Variants in ELF5 observed in about 807,000 individuals in gnomAD.
ELF5 encodes ETS-related transcription factor Elf-5.
ELF5 carries 31 observed loss-of-function variants against 38.2 expected under a neutral mutation model. The ratio of observed to expected loss-of-function variants is 0.81; its 90% confidence interval spans 0.61 to 1.10. The LOEUF is 1.10. ELF5 is among the 50% of genes least tolerant of loss of function. The pLI is 0.00. For synonymous variants in ELF5, 121 were observed against 112.5 expected (o/e 1.08, Z -0.48); for missense variants, 300 against 306.6 (o/e 0.98, Z 0.16).
chr11:34,501,594 C>T (rs1464690350), intron 2 of ELF5, among the ~76,000 whole-genome samples: 1 of 152,098 alleles, frequency 6.6e-6, no homozygotes, highest in Admixed American at 6.5e-5. Context: ...CCAACTCTCC[C>T]GCCCACTTGG....
At chr11:34,513,450 G>T (rs1198462925) in intron 1 of ELF5, among the ~76,000 whole-genome samples, 3 of 152,268 alleles carry the variant, frequency 2.0e-5, no homozygotes, top group African/African-American at 7.2e-5. Flanking sequence ...AGGGAGTGGT[G>T]GCTGTGAGGA....
At chr11:34,507,247 A>C (rs901256055) in intron 1 of ELF5, among the ~76,000 whole-genome samples, 5 of 152,174 alleles carry the variant, frequency 3.3e-5, no homozygotes, top group Non-Finnish European at 1.5e-5. Flanking sequence ...ACGAGTGTGG[A>C]CCTGTGGTAA....
intron 2 of ELF5, among the ~76,000 whole-genome samples, chr11:34,498,913 G>T (rs970946648): frequency 8.1e-4 from 124 of 152,194 alleles, no homozygotes; most frequent in African/African-American, 2.9e-3. Flanking sequence ...CCAACAAGGT[G>T]AAACCCTGTC....
At chr11:34,480,706 T>A in intron 6 of ELF5, 66 bp downstream of exon 6, 1 of 1,542,638 alleles carries the variant, frequency 6.5e-7, no homozygotes, top group Non-Finnish European at 8.8e-7. Flanking sequence ...CAGTGTAATT[T>A]TCTACAGCCA....
At chr11:34,492,000 A>T (rs1850187851) in intron 3 of ELF5, 1 of 152,206 alleles carries the variant, frequency 6.6e-6, no homozygotes. Context: ...TTGACTTGAC[A>T]TTTGGCCAAG....
intron 1 of ELF5, among the ~76,000 whole-genome samples, chr11:34,509,674 A>G (rs2133905788): frequency 6.6e-6 from 1 of 152,236 alleles, no homozygotes; most frequent in South Asian, 2.1e-4. Context: ...GAGGAAGGGA[A>G]GGGCCTCAGG....
chr11:34,482,570 A>G, intron 4 of ELF5, 71 bp from the exon 5 acceptor site: 1 of 1,238,368 alleles, frequency 8.1e-7, no homozygotes, highest in Non-Finnish European at 1.1e-6. Context: ...TCATACCCAA[A>G]TGAGCAAATA....
At chr11:34,498,921 G>A (rs1850383212) in intron 2 of ELF5, among the ~76,000 whole-genome samples, 1 of 152,042 alleles carries the variant, frequency 6.6e-6, no homozygotes, top group African/African-American at 2.4e-5. Context: ...GTGAAACCCT[G>A]TCTCTACTAA....
intron 4 of ELF5, among the ~76,000 whole-genome samples, chr11:34,485,920 G>T (rs909161807): frequency 6.6e-6 from 1 of 152,088 alleles, no homozygotes; most frequent in African/African-American, 2.4e-5. Flanking sequence ...GCTCTCCCTT[G>T]CTCACAACTT....
chr11:34,508,283 C>T (rs1414545536), intron 1 of ELF5, among the ~76,000 whole-genome samples: 1 of 152,092 alleles, frequency 6.6e-6, no homozygotes, highest in South Asian at 2.1e-4. Context: ...GGGTGGGTCA[C>T]TTGAGGTCAG....
At chr11:34,502,203 C>CTCAAAA (rs1302777014) in intron 2 of ELF5, among the ~76,000 whole-genome samples, 1 of 152,228 alleles carries the variant, frequency 6.6e-6, no homozygotes, top group African/African-American at 2.4e-5. Context: ...AAACTGGCTG[C>CTCAAAA]AGGTCACATG....
intron 1 of ELF5, among the ~76,000 whole-genome samples, chr11:34,507,020 C>A (rs1850629693): frequency 6.6e-6 from 1 of 152,104 alleles, no homozygotes; most frequent in African/African-American, 2.4e-5. Flanking sequence ...CACATACATA[C>A]AACATATATA....
chr11:34,493,845 G>T, intron 2 of ELF5, 133 bp from the exon 3 acceptor site: 1 of 714,358 alleles, frequency 1.4e-6, no homozygotes, highest in Non-Finnish European at 2.3e-6. Context: ...AGCCCTGGGT[G>T]TTCTGCAGAG....
At chr11:34,497,620 C>T (rs1401336419) in intron 2 of ELF5, among the ~76,000 whole-genome samples, 1 of 152,164 alleles carries the variant, frequency 6.6e-6, no homozygotes, top group African/African-American at 2.4e-5. Context: ...CCTGAAGTGG[C>T]CCCATGTGGA....
intron 3 of ELF5, 73 bp downstream of exon 3, chr11:34,493,406 G>A: frequency 3.5e-6 from 5 of 1,422,390 alleles, no homozygotes; most frequent in Non-Finnish European, 4.9e-6. Context: ...CACACGATGG[G>A]AAAGGACTTC....
chr11:34,483,489 C>T (rs1409151178), intron 4 of ELF5, among the ~76,000 whole-genome samples: 1 of 151,816 alleles, frequency 6.6e-6, no homozygotes, highest in African/African-American at 2.4e-5. Context: ...TGTACTGCAC[C>T]ACACTATACT....
chr11:34,497,768 C>T (rs1564981489), intron 2 of ELF5, among the ~76,000 whole-genome samples: 1 of 152,200 alleles, frequency 6.6e-6, no homozygotes, highest in Non-Finnish European at 1.5e-5. Flanking sequence ...AGTGTGGCAA[C>T]TGGCTTGGTT....
chr11:34,503,533 C>T lies in ELF5; in HGVS notation c.121+2096G>A, dbSNP rs1225766647. 6.6e-5 allele frequency among the ~76,000 whole-genome samples: 10 copies of T among 152,106 alleles called. No individual in the cohort carries two copies. The East Asian group carries it at 7.7e-4, about 12-fold the overall frequency. On this transcript the variant is annotated intron_variant, in intron 2 of 6. Coordinates refer to ENST00000257832, the MANE Select transcript of ELF5 (RefSeq NM_001422.4). The stretch of plus-strand genomic sequence containing the variant: ...GCGTGACTGCAGCTCACTGCAGCCT[C>T]GGCCTTCCGGGCTCAAGGGATCCTC...
At chr11:34,496,782 C>T (rs1041895540) in intron 2 of ELF5, among the ~76,000 whole-genome samples, 5 of 152,212 alleles carry the variant, frequency 3.3e-5, no homozygotes, top group African/African-American at 1.2e-4. Context: ...CAGTCACTCT[C>T]TCCACTTTAC....
Sources: gnomAD v4.1 joint callset for allele counts (sites outside exome capture counted in the v4.1 genomes callset) on GRCh38, gnomAD v4.1.1 for gene constraint, MANE v1.5 for transcripts, NCBI Gene and HGNC (gene_info 2026-07-23, HGNC 2026-07-21) for gene names.